The following AGBL1 variants were observed in gnomAD, a reference collection of about 807,000 sequenced individuals.
AGBL1 encodes cytosolic carboxypeptidase 4.
AGBL1 carries 130 observed loss-of-function variants against 118.9 expected under a neutral mutation model. The ratio of observed to expected loss-of-function variants is 1.09; its 90% confidence interval spans 0.95 to 1.26. The LOEUF is 1.26. AGBL1 is among the 50% of genes most tolerant of loss of function. The pLI is 0.00. For synonymous variants in AGBL1, 555 were observed against 478.9 expected, an observed-to-expected ratio of 1.16 and a Z score of -2.08; for missense variants, 1,584 against 1,298.1, an observed-to-expected ratio of 1.22 and a Z score of -3.38.
In AGBL1 at chr15:86,739,896, G is replaced by T. The variant is rs114250306; in HGVS notation, c.3158+65460G>T. The stretch of plus-strand genomic sequence containing the variant: ...CAGAAGGGTGGCCTAATGAATCACT[G>T]AGCCCTGCTATGAAGAGAAATGTTT... On this transcript the variant is annotated intron_variant, in intron 22 of 22. Coordinates refer to ENST00000614907, the MANE Select transcript of AGBL1 (RefSeq NM_001386094.1). Among the ~76,000 whole-genome samples, 1,143 of 152,266 alleles carry T rather than the reference G, an allele frequency of 7.5e-3. 5 individuals are homozygous for T. Among genetic ancestry groups the T allele is most frequent in the African/African-American group, 0.024 (977 of 41,560 alleles).
intron 9 of AGBL1, among the ~76,000 whole-genome samples, chr15:86,258,934 T>C (rs767661372): frequency 1.6e-4 from 25 of 152,322 alleles, no homozygotes; most frequent in Non-Finnish European, 2.9e-4. Flanking sequence ...CTCGAACTCT[T>C]GACCTTGTGG....
chr15:86,351,812 C>G (rs1496881), intron 17 of AGBL1, among the ~76,000 whole-genome samples: 80,288 of 152,064 alleles, frequency 0.53, 23,174 homozygotes, highest in Non-Finnish European at 0.65. Context: ...TACAAGCTGA[C>G]GCCATTTATT....
intron 18 of AGBL1, among the ~76,000 whole-genome samples, chr15:86,477,700 G>T (rs1236908818): frequency 1.3e-5 from 2 of 152,102 alleles, no homozygotes; most frequent in East Asian, 3.9e-4. Context: ...CCAATTAACA[G>T]AAAAAGAGGG....
exon 25 of AGBL1, chr15:87,028,855 A>G (rs1440405993): frequency 1.2e-6 from 2 of 1,601,322 alleles, no homozygotes; most frequent in Non-Finnish European, 1.7e-6. Flanking sequence ...GCTCCCTTCA[A>G]ATGAGCAAGT....
chr15:86,951,149 A>C (rs2080877147), intron 23 of AGBL1, among the ~76,000 whole-genome samples: 1 of 152,052 alleles, frequency 6.6e-6, no homozygotes, highest in South Asian at 2.1e-4. Flanking sequence ...GTACCTTTTA[A>C]ATTTTTCTAC....
chr15:86,496,031 A>G (rs993454244), intron 18 of AGBL1, among the ~76,000 whole-genome samples: 1 of 151,672 alleles, frequency 6.6e-6, no homozygotes, highest in Non-Finnish European at 1.5e-5. Context: ...TTTCAACCTG[A>G]TATAGTTTGG....
At chr15:86,392,481 T>C (rs543738849) in intron 17 of AGBL1, among the ~76,000 whole-genome samples, 1 of 152,326 alleles carries the variant, frequency 6.6e-6, no homozygotes, top group Admixed American at 6.5e-5. Context: ...CAGACTGTTA[T>C]TAGTTTCCTG....
intron 22 of AGBL1, among the ~76,000 whole-genome samples, chr15:86,856,023 A>T (rs2079474968): frequency 6.6e-6 from 1 of 152,210 alleles, no homozygotes; most frequent in Admixed American, 6.5e-5. Flanking sequence ...GCCTCCAGAG[A>T]TAAATTACTC....
intron 16 of AGBL1, among the ~76,000 whole-genome samples, chr15:86,294,314 G>A (rs754974085): frequency 1.7e-3 from 249 of 147,960 alleles, no homozygotes; most frequent in Admixed American, 2.7e-3. Context: ...CAGGAGAATC[G>A]CTTGAACCTG....
chr15:86,817,628 C>CAT (rs1567188559), intron 22 of AGBL1, among the ~76,000 whole-genome samples: 1 of 141,998 alleles, frequency 7.0e-6, no homozygotes, highest in Non-Finnish European at 1.5e-5. Context: ...GACAGGCATA[C>CAT]ACACACACAC....
In AGBL1 at chr15:86,376,415, A is replaced by G. The variant is rs2081041691; in HGVS notation, c.2375-20951A>G. Among the ~76,000 whole-genome samples the G allele has an allele frequency of 2.6e-5, 4 of 152,246 alleles. No homozygotes were observed. In the South Asian group the frequency reaches 8.3e-4, roughly 32 times the overall value. ...CTCAGTGATAATTTATTACAGGGAA[A>G]GAATTCAAATTAGAGCTAGGCAAAG... On this transcript the variant is annotated intron_variant, in intron 17 of 22. Transcript: ENST00000614907.
intron 18 of AGBL1, among the ~76,000 whole-genome samples, chr15:86,477,760 C>T (rs2142116091): frequency 6.6e-6 from 1 of 152,206 alleles, no homozygotes; most frequent in South Asian, 2.1e-4. Flanking sequence ...GAGACCAAAG[C>T]CTGGCAGAGA....
chr15:86,389,615 G>T (rs1464024137), intron 17 of AGBL1, among the ~76,000 whole-genome samples: 4 of 152,028 alleles, frequency 2.6e-5, no homozygotes, highest in African/African-American at 9.7e-5. Flanking sequence ...TAAATATGTG[G>T]TTTAAATCAA....
At chr15:86,253,803 G>C (rs1490550769) in intron 7 of AGBL1, among the ~76,000 whole-genome samples, 2 of 152,096 alleles carry the variant, frequency 1.3e-5, no homozygotes, top group Non-Finnish European at 2.9e-5. Context: ...CAGTTTGGTA[G>C]GGTTAAGTAC....
chr15:86,652,143 C>T (rs1473488285), intron 21 of AGBL1, among the ~76,000 whole-genome samples: 1 of 152,136 alleles, frequency 6.6e-6, no homozygotes, highest in Non-Finnish European at 1.5e-5. Context: ...TGTGCTTCTA[C>T]TCCCAGTGCA....
intron 18 of AGBL1, among the ~76,000 whole-genome samples, chr15:86,460,534 A>G (rs1415600099): frequency 6.6e-6 from 1 of 151,324 alleles, no homozygotes; most frequent in African/African-American, 2.4e-5. Flanking sequence ...AACAACAACA[A>G]CAAAAACAAT....
chr15:86,634,969 T>A (rs1452449744), intron 21 of AGBL1, among the ~76,000 whole-genome samples: 2 of 152,150 alleles, frequency 1.3e-5, no homozygotes, highest in Non-Finnish European at 2.9e-5. Flanking sequence ...TTGTGTACCC[T>A]CATGGTGTCT....
intron 1 of AGBL1, chr15:86,105,097 G>C (rs1420315877): frequency 6.6e-6 from 1 of 152,188 alleles, no homozygotes; most frequent in Non-Finnish European, 1.5e-5. Context: ...TTCTTTCTTA[G>C]ATGATCTATT....
chr15:86,528,102 G>A (rs1184117605), intron 19 of AGBL1, among the ~76,000 whole-genome samples: 2 of 152,158 alleles, frequency 1.3e-5, no homozygotes, highest in Non-Finnish European at 2.9e-5. Context: ...CTGGGGGGAG[G>A]AGCCAAGATG....
Sources: allele counts gnomAD v4.1 joint callset (sites outside exome capture counted in the v4.1 genomes callset), GRCh38; gene constraint gnomAD v4.1.1; transcripts MANE v1.5; gene names NCBI Gene and HGNC (gene_info 2026-07-23, HGNC 2026-07-21).